RBFOX1: variants seen among roughly 807,000 people sequenced by gnomAD.
RBFOX1 encodes the protein RNA binding fox-1 homolog 1.
In RBFOX1, 8 loss-of-function variants were observed where a neutral mutation model predicts 57.7. That is an observed-to-expected ratio of 0.14 (90% confidence interval 0.08 to 0.25). The LOEUF (loss-of-function observed/expected upper bound fraction) is 0.25, where lower values mean the gene tolerates loss of function less well. RBFOX1 is among the 10% of genes least tolerant of loss of function. The pLI, the probability that RBFOX1 is intolerant of heterozygous loss-of-function variation, is 1.00. For missense variants in RBFOX1, 611 were observed against 548.5 expected, an observed-to-expected ratio of 1.11 and a Z score of -1.14; for synonymous variants, 326 against 222.4, an observed-to-expected ratio of 1.47 and a Z score of -4.15.
chr16:6,857,036 A>C (rs1257456244), intron 3 of RBFOX1, among the ~76,000 whole-genome samples: 1 of 152,274 alleles, frequency 6.6e-6, no homozygotes, highest in Non-Finnish European at 1.5e-5. Context: ...CTTACTGCAA[A>C]TCGTGTTCAA....
At chr16:6,186,382 T>G (rs564016751) in intron 1 of RBFOX1, among the ~76,000 whole-genome samples, 1 of 152,304 alleles carries the variant, frequency 6.6e-6, no homozygotes, top group East Asian at 1.9e-4. Flanking sequence ...GAGGATCATC[T>G]GCATATGGGG....
intron 1 of RBFOX1, among the ~76,000 whole-genome samples, chr16:5,349,449 G>A (rs183089155): frequency 2.0e-5 from 3 of 152,256 alleles, no homozygotes; most frequent in East Asian, 1.9e-4. Flanking sequence ...TGAGGCCAGC[G>A]GATTACTCAA....
chr16:7,502,119 A>G (rs909836568), intron 4 of RBFOX1, among the ~76,000 whole-genome samples: 2 of 151,758 alleles, frequency 1.3e-5, no homozygotes, highest in African/African-American at 2.4e-5. Context: ...CTGGCAAACT[A>G]TGAGAGGCTA....
chr16:7,705,312 G>T (rs567653415), intron 14 of RBFOX1, among the ~76,000 whole-genome samples: 1 of 151,998 alleles, frequency 6.6e-6, no homozygotes, highest in Non-Finnish European at 1.5e-5. Context: ...CAAAACCATC[G>T]TGGCTAACAC....
At position 5,936,494 on chromosome 16, in the gene RBFOX1, C is replaced by T. The variant is rs141192411; in HGVS notation, c.351+69159C>T. Among the ~76,000 whole-genome samples the T allele has an allele frequency of 7.1e-3, 1,086 of 152,182 alleles. 8 individuals are homozygous for T. Among genetic ancestry groups the T allele is most frequent in the Non-Finnish European group, 0.01 (708 of 68,004 alleles). On this transcript the variant is annotated intron_variant, in intron 4 of 19. Transcript: ENST00000641259. The stretch of plus-strand genomic sequence containing the variant: ...AGACTGGAAGGAGTCCTGTGTGAGC[C>T]AAGTTAATGAAAGAGAATGACCAAG...
At chr16:5,765,853 T>G (rs1489651583) in intron 3 of RBFOX1, among the ~76,000 whole-genome samples, 4 of 152,214 alleles carry the variant, frequency 2.6e-5, no homozygotes, top group African/African-American at 9.6e-5. Flanking sequence ...GATGGGAGTG[T>G]GGAAGGATTC....
At chr16:6,661,185 A>G (rs2098699180) in intron 3 of RBFOX1, among the ~76,000 whole-genome samples, 1 of 152,172 alleles carries the variant, frequency 6.6e-6, no homozygotes, top group African/African-American at 2.4e-5. Context: ...ACTATGAGCA[A>G]TCCAAATGAA....
At chr16:6,490,961 T>C (rs2095618869) in intron 2 of RBFOX1, among the ~76,000 whole-genome samples, 1 of 152,172 alleles carries the variant, frequency 6.6e-6, no homozygotes, top group African/African-American at 2.4e-5. Context: ...AAGTGTTGGT[T>C]CAGGAAATGG....
At chr16:7,248,573 C>G (rs921807864) in intron 4 of RBFOX1, among the ~76,000 whole-genome samples, 4 of 152,178 alleles carry the variant, frequency 2.6e-5, no homozygotes, top group Non-Finnish European at 4.4e-5. Flanking sequence ...CCATGAGCCA[C>G]CTTCCTTCCA....
rs560240786 is a variant in RBFOX1 at position 7,410,938 on chromosome 16, A to T, written c.28-107209A>T. Among the ~76,000 whole-genome samples, 85 of 151,258 alleles carry T rather than the reference A, an allele frequency of 5.6e-4. 1 individual carries two copies. The highest frequency in any genetic ancestry group is 2.0e-3 in the African/African-American group (83 of 41,174). ...ACTCTTCACCTAGTAATCAACTTGA[A>T]TTATTTATTTATTTATTTATTTTTC... On this transcript the variant is annotated intron_variant, in intron 4 of 15. Coordinates refer to ENST00000550418, the MANE Select transcript of RBFOX1 (RefSeq NM_018723.4).
At chr16:7,371,141 C>T (rs747048759) in intron 4 of RBFOX1, among the ~76,000 whole-genome samples, 2 of 152,188 alleles carry the variant, frequency 1.3e-5, no homozygotes, top group Non-Finnish European at 2.9e-5. Context: ...CTTTTACTCT[C>T]CTTCTGCCCT....
intron 6 of RBFOX1, among the ~76,000 whole-genome samples, chr16:7,582,032 C>T (rs989623348): frequency 4.6e-5 from 7 of 150,972 alleles, no homozygotes; most frequent in Admixed American, 4.6e-4. Context: ...CAGCACCCCC[C>T]CCCCCCCTTT....
intron 3 of RBFOX1, among the ~76,000 whole-genome samples, chr16:6,700,044 C>G (rs746858685): frequency 2.6e-5 from 4 of 152,082 alleles, no homozygotes; most frequent in Non-Finnish European, 5.9e-5. Context: ...CAAGAAAAAG[C>G]TTAAAACCTC....
At chr16:6,881,389 C>A (rs923530522) in intron 3 of RBFOX1, among the ~76,000 whole-genome samples, 29 of 152,142 alleles carry the variant, frequency 1.9e-4, no homozygotes, top group African/African-American at 6.5e-4. Context: ...GTTCTGCAGA[C>A]TAGAAGTCCA....
At chr16:5,654,951 C>A (rs753852524) in intron 3 of RBFOX1, among the ~76,000 whole-genome samples, 1 of 152,148 alleles carries the variant, frequency 6.6e-6, no homozygotes, top group African/African-American at 2.4e-5. Context: ...CAGCTCCCCC[C>A]CAGCAAGTAG....
intron 3 of RBFOX1, among the ~76,000 whole-genome samples, chr16:5,771,247 C>G (rs2053967386): frequency 6.6e-6 from 1 of 152,188 alleles, no homozygotes; most frequent in African/African-American, 2.4e-5. Flanking sequence ...GGTTGTTGGT[C>G]TGCACATTAA....
chr16:7,362,487 GTA>G lies in RBFOX1; in HGVS notation c.28-155656_28-155655del, dbSNP rs757765474. On this transcript the variant is annotated intron_variant, in intron 4 of 15. Coordinates refer to ENST00000550418, the MANE Select transcript of RBFOX1 (RefSeq NM_018723.4). ...TTTTGTGTGTGTTTGTGTGTTTTGT[GTA>G]TATGTTAGTATGTGCATGTTTTTTG... Among the ~76,000 whole-genome samples the G allele has an allele frequency of 2.0e-5, 3 of 149,832 alleles. No individual in the cohort carries two copies. The East Asian group carries it at 5.9e-4, about 29-fold the overall frequency.
chr16:7,189,554 A>AC (rs1567633599), intron 4 of RBFOX1, among the ~76,000 whole-genome samples: 11,236 of 135,746 alleles, frequency 0.083, 566 homozygotes, highest in Middle Eastern at 0.19. Flanking sequence ...TGTCCCCCAA[A>AC]ACACACACAC....
rs1164482447 is a variant in RBFOX1, at chr16:7,087,460, T to A, written c.27+35362T>A. On this transcript the variant is annotated intron_variant, in intron 4 of 15. Coordinates refer to ENST00000550418, the MANE Select transcript of RBFOX1 (RefSeq NM_018723.4). ...ACTGTGGCTGGCCGCCTAAAGTGTCTGGATTTGCTCATTAAACAGCCAAAC... is the reference window on the plus strand; with the variant it reads ...ACTGTGGCTGGCCGCCTAAAGTGTCAGGATTTGCTCATTAAACAGCCAAAC... Among the ~76,000 whole-genome samples, 3 of 152,132 alleles carry A rather than the reference T, an allele frequency of 2.0e-5. No individual in the cohort carries two copies. In the South Asian group the frequency reaches 6.2e-4, roughly 32 times the overall value.
Sources: gnomAD v4.1 joint callset for allele counts (sites outside exome capture counted in the v4.1 genomes callset) on GRCh38, gnomAD v4.1.1 for gene constraint, MANE v1.5 for transcripts, NCBI Gene and HGNC (gene_info 2026-07-23, HGNC 2026-07-21) for gene names.